Variants in ANKRD18B observed in about 807,000 individuals in gnomAD.
ANKRD18B encodes the protein ankyrin repeat domain-containing protein 18B.
Under a neutral mutation model 111.8 loss-of-function variants are expected in ANKRD18B, and 75 were observed. The observed-to-expected ratio is 0.67, with a 90% confidence interval of 0.56 to 0.81. The LOEUF is 0.81. Ranked by LOEUF, ANKRD18B falls within the 40% of genes least tolerant of loss-of-function variation. ANKRD18B has a pLI of 0.00. For missense variants in ANKRD18B, 1,038 were observed against 1,225.5 expected, an observed-to-expected ratio of 0.85 and a Z score of 2.28; for synonymous variants, 356 against 417.3, an observed-to-expected ratio of 0.85 and a Z score of 1.79.
chr9:33,527,149 T>C (rs1037774336), intron 1 of ANKRD18B, among the ~76,000 whole-genome samples: 3 of 152,218 alleles, frequency 2.0e-5, no homozygotes, highest in African/African-American at 4.8e-5. Flanking sequence ...CAATAAGAGA[T>C]AACCTTTAAC....
At chr9:33,564,496 A>G (rs1828656898) in intron 14 of ANKRD18B, among the ~76,000 whole-genome samples, 1 of 152,256 alleles carries the variant, frequency 6.6e-6, no homozygotes, top group Non-Finnish European at 1.5e-5. Flanking sequence ...ATAGTGCTAC[A>G]GTAAACATGT....
At chr9:33,535,583 G>T (rs924483160) in intron 5 of ANKRD18B, among the ~76,000 whole-genome samples, 1 of 149,212 alleles carries the variant, frequency 6.7e-6, no homozygotes, top group African/African-American at 2.5e-5. Context: ...CACCACACCC[G>T]GCCCACAGCT....
chr9:33,568,731 A>G lies in ANKRD18B; in HGVS notation c.3015A>G (p.Glu1005=). The G allele has an allele frequency of 6.4e-7, 1 of 1,551,416 alleles. No homozygotes were observed. Among genetic ancestry groups the G allele is most frequent in the Non-Finnish European group, 8.7e-7 (1 of 1,146,760 alleles). The change falls in exon 17 of 19, where the codon GAA becomes GAG. Residue 1005 remains glutamate (E), a synonymous_variant. Coordinates refer to ENST00000684830, the MANE Select transcript of ANKRD18B (RefSeq NM_001393611.1). ...TKLFMEKERM[E]YFLSTLPMRP... The stretch of plus-strand genomic sequence containing the variant: ...TCTTTATGGAGAAAGAGCGGATGGA[A>G]TATTTTCTCAGCACTCTTCCTATGA...
intron 18 of ANKRD18B, 184 bp downstream of exon 18, chr9:33,571,475 T>C (rs1828774879): frequency 5.8e-6 from 1 of 173,762 alleles, no homozygotes; most frequent in Non-Finnish European, 1.3e-5. Context: ...TTATGCATCA[T>C]TAATTCATCA....
At chr9:33,533,159 A>G (rs964835662) in intron 3 of ANKRD18B, among the ~76,000 whole-genome samples, 5 of 152,152 alleles carry the variant, frequency 3.3e-5, no homozygotes, top group African/African-American at 1.2e-4. Flanking sequence ...TGAAATAATT[A>G]CAATGGACTG....
intron 14 of ANKRD18B, among the ~76,000 whole-genome samples, chr9:33,561,569 G>A (rs1030408841): frequency 5.9e-5 from 9 of 152,168 alleles, no homozygotes; most frequent in Non-Finnish European, 8.8e-5. Context: ...TTCCTTTGGA[G>A]TCATGGCTAA....
At chr9:33,529,749 G>A (rs540063372) in intron 3 of ANKRD18B, among the ~76,000 whole-genome samples, 16 of 152,242 alleles carry the variant, frequency 1.1e-4, no homozygotes, top group African/African-American at 3.8e-4. Context: ...TTCAGCTTTG[G>A]GGTAATCATT....
intron 3 of ANKRD18B, among the ~76,000 whole-genome samples, chr9:33,530,847 T>G (rs1380096175): frequency 2.0e-5 from 3 of 152,236 alleles, no homozygotes; most frequent in Non-Finnish European, 2.9e-5. Flanking sequence ...GCAATTTACT[T>G]GTGGGTAATC....
At chr9:33,527,995 G>A (rs1268483472) in intron 1 of ANKRD18B, among the ~76,000 whole-genome samples, 1 of 152,164 alleles carries the variant, frequency 6.6e-6, no homozygotes. Flanking sequence ...TTGTTAAATA[G>A]TAGTAATATA....
rs1828459196 is a variant in ANKRD18B, at chr9:33,552,378, G to T, written c.2217+1799G>T. ...GCTGCAGCTTGTCTGATGAAGGACA[G>T]CACAGCTCCTTAATCCTAGCGCTCA... On this transcript the variant is annotated intron_variant, in intron 12 of 18. Coordinates refer to ENST00000684830, the MANE Select transcript of ANKRD18B (RefSeq NM_001393611.1). Among the ~76,000 whole-genome samples the T allele has an allele frequency of 2.0e-5, 3 of 152,320 alleles. No homozygotes were observed. In the South Asian group the frequency reaches 6.2e-4, roughly 32 times the overall value.
At chr9:33,535,709 T>C (rs1828187784) in intron 5 of ANKRD18B, among the ~76,000 whole-genome samples, 1 of 147,012 alleles carries the variant, frequency 6.8e-6, no homozygotes, top group Non-Finnish European at 1.5e-5. Context: ...TATATTATTT[T>C]TATATTTATA....
chr9:33,564,471 C>T (rs1046034991), intron 14 of ANKRD18B, among the ~76,000 whole-genome samples: 14 of 152,188 alleles, frequency 9.2e-5, no homozygotes, highest in Non-Finnish European at 1.5e-4. Context: ...TGATTTTATA[C>T]ATTAGCTGTT....
At chr9:33,557,831 C>T (rs1426601606) in intron 13 of ANKRD18B, among the ~76,000 whole-genome samples, 1 of 151,860 alleles carries the variant, frequency 6.6e-6, no homozygotes, top group Non-Finnish European at 1.5e-5. Context: ...AACTGTATGG[C>T]TATTATCACT....
At chr9:33,528,976 T>C (rs1483546471) in intron 2 of ANKRD18B, 24 bp from the exon 3 acceptor site, 5 of 1,610,988 alleles carry the variant, frequency 3.1e-6, no homozygotes, top group African/African-American at 1.3e-5. Context: ...ATTTATAGTC[T>C]AGTTTTTTAT....
At chr9:33,558,838 C>T (rs553569833) in intron 14 of ANKRD18B, among the ~76,000 whole-genome samples, 43 of 152,136 alleles carry the variant, frequency 2.8e-4, no homozygotes, top group Non-Finnish European at 5.4e-4. Flanking sequence ...CCCTGGATTA[C>T]CCAATCTCAA....
chr9:33,524,800 A>T (rs1312003995), intron 1 of ANKRD18B, 105 bp downstream of exon 1: 3 of 1,309,254 alleles, frequency 2.3e-6, no homozygotes, highest in East Asian at 5.1e-5. Flanking sequence ...GGAGCCGCGG[A>T]GCCAAATGGA....
rs780175253 is a variant in ANKRD18B, at chr9:33,529,119, T to C, written c.441T>C (p.Thr147=). The change falls in exon 3 of 19, where the codon ACT becomes ACC. Residue 147 remains threonine, a synonymous_variant. Coordinates refer to ENST00000684830, the MANE Select transcript of ANKRD18B (RefSeq NM_001393611.1). ...ATTATGCCGTGTATAATGAGGGGAC[T>C]TCACTGGCAGAAAGACTGCTTTCCC... ...ALHYAVYNEG[T]SLAERLLSHH... 1.9e-6 allele frequency: 3 copies of C among 1,611,980 alleles called. No individual in the cohort carries two copies. The highest frequency in any genetic ancestry group is 3.3e-5 in the Admixed American group (2 of 60,010).
Position 33,548,256 on chromosome 9 carries a change from G to A in ANKRD18B, c.1468G>A (p.Val490Ile). 1 of 1,551,102 alleles carries A rather than the reference G, an allele frequency of 6.4e-7. No individual in the cohort carries two copies. Among genetic ancestry groups the A allele is most frequent in the Middle Eastern group, 1.7e-4 (1 of 5,978 alleles). Reference sequence around the variant, plus strand: ...CAACAAAGAAAGACTAGAAGCTGAAGTTGAATCCCTCCATTCTAACTTGGC... The same window carrying A: ...CAACAAAGAAAGACTAGAAGCTGAAATTGAATCCCTCCATTCTAACTTGGC... ...KHNKERLEAE[V>I]ESLHSNLATA... Residue 490 changes from valine to isoleucine, a missense_variant, in exon 11 of 19, where the codon GTT (valine) becomes ATT (isoleucine). This residue lies in a region of ANKRD18B where 205 missense variants were observed against 201.3 expected (regional missense o/e 1.02). Transcript: ENST00000684830.
chr9:33,547,947 A>C lies in ANKRD18B; in HGVS notation c.1159A>C (p.Ser387Arg), dbSNP rs1828384508. The C allele has an allele frequency of 9.8e-6, 14 of 1,426,608 alleles. No individual in the cohort carries two copies. The South Asian group carries it at 1.7e-4, about 17-fold the overall frequency. 88.4% of individuals were successfully genotyped at this position (1,426,608 alleles called of 1,614,324 possible). A position where few individuals can be genotyped will look rare whatever the true frequency, so the allele number is the denominator to read the frequency against. ...GTTTTGTTTTATTTAGGATTCTCAA[A>C]GTTATGGAAAAAAGAAGGATGAGAT... Reference protein sequence around the residue: ...SENKQPQDSQSYGKKKDEMFG... With the variant: ...SENKQPQDSQRYGKKKDEMFG... The change falls in exon 11 of 19, where the codon AGT (serine) becomes CGT (arginine). Residue 387 changes from serine to arginine, a missense_variant. By Grantham distance (110) the Ser-to-Arg change is moderately radical. Coordinates refer to ENST00000684830, the MANE Select transcript of ANKRD18B (RefSeq NM_001393611.1).
Sources: allele counts gnomAD v4.1 joint callset (sites outside exome capture counted in the v4.1 genomes callset), GRCh38; gene constraint gnomAD v4.1.1; regional missense constraint gnomAD v4.1.1; transcripts MANE v1.5; gene names NCBI Gene and HGNC (gene_info 2026-07-23, HGNC 2026-07-21).